PIEZO2: variants seen among roughly 807,000 people sequenced by gnomAD.
PIEZO2 encodes piezo-type mechanosensitive ion channel component 2.
In PIEZO2, 172 loss-of-function variants were observed where a neutral mutation model predicts 337.3. The observed-to-expected ratio is 0.51, with a 90% CI of 0.45 to 0.58. The LOEUF is 0.58. PIEZO2 is among the 20% of genes least tolerant of loss of function. The pLI, the probability that PIEZO2 is intolerant of heterozygous loss-of-function variation, is 0.00. For missense variants in PIEZO2, 3,028 were observed against 3,391.3 expected, an observed-to-expected ratio of 0.89 and a Z score of 2.66; for synonymous variants, 1,251 against 1,228.5, an observed-to-expected ratio of 1.02 and a Z score of -0.38.
At chr18:10,756,600 G>A (rs995384461) in intron 27 of PIEZO2, among the ~76,000 whole-genome samples, 6 of 147,394 alleles carry the variant, frequency 4.1e-5, no homozygotes, top group African/African-American at 1.3e-4. Context: ...AGATGAGGAG[G>A]AGGGATGGAG....
intron 3 of PIEZO2, among the ~76,000 whole-genome samples, chr18:10,933,965 T>C (rs1019473159): frequency 6.6e-6 from 1 of 152,254 alleles, no homozygotes; most frequent in Non-Finnish European, 1.5e-5. Flanking sequence ...TCCCCAGCCA[T>C]GTGAAACTGT....
At chr18:10,812,809 A>G (rs1286548512) in intron 7 of PIEZO2, among the ~76,000 whole-genome samples, 30 of 152,278 alleles carry the variant, frequency 2.0e-4, no homozygotes, top group Non-Finnish European at 4.4e-5. Context: ...ACATGTTGGC[A>G]GATTTATAAA....
chr18:10,818,903 A>G (rs2040441419), intron 7 of PIEZO2, among the ~76,000 whole-genome samples: 1 of 152,200 alleles, frequency 6.6e-6, no homozygotes, highest in African/African-American at 2.4e-5. Context: ...TATTGGCTTC[A>G]TTTTAATGGA....
chr18:10,731,612 T>G, intron 35 of PIEZO2, 91 bp from the exon 36 acceptor site: 1 of 788,050 alleles, frequency 1.3e-6, no homozygotes, highest in Non-Finnish European at 1.8e-6. Context: ...TGAAATATTT[T>G]TTCCTCCCAA....
At chr18:11,008,867 G>A (rs944512761) in intron 2 of PIEZO2, among the ~76,000 whole-genome samples, 2 of 152,160 alleles carry the variant, frequency 1.3e-5, no homozygotes, top group African/African-American at 4.8e-5. Flanking sequence ...TTTCCAAGAA[G>A]TGTGTGTTGT....
chr18:11,053,093 GA>G (rs1380660777), intron 2 of PIEZO2, among the ~76,000 whole-genome samples: 1 of 152,176 alleles, frequency 6.6e-6, no homozygotes, highest in African/African-American at 2.4e-5. Context: ...CTTTGTCTGT[GA>G]CATGAGGATT....
intron 33 of PIEZO2, chr18:10,738,728 C>A (rs1391547870): frequency 6.6e-6 from 1 of 152,112 alleles, no homozygotes; most frequent in African/African-American, 2.4e-5. Flanking sequence ...CTACTTTTAT[C>A]CTCAGAACTT....
At chr18:11,085,057 A>C (rs1340596868) in intron 1 of PIEZO2, among the ~76,000 whole-genome samples, 1 of 152,262 alleles carries the variant, frequency 6.6e-6, no homozygotes, top group Non-Finnish European at 1.5e-5. Context: ...ATGAATTAAC[A>C]CATGAATATA....
At chr18:10,948,995 A>AT (rs1205649907) in intron 3 of PIEZO2, among the ~76,000 whole-genome samples, 1 of 152,202 alleles carries the variant, frequency 6.6e-6, no homozygotes, top group East Asian at 1.9e-4. Context: ...CTCCTGAATA[A>AT]TAGATGAAAT....
rs868031053 is a variant in PIEZO2, at chr18:11,032,113, C to G, written c.160+34014G>C. Among the ~76,000 whole-genome samples the G allele has an allele frequency of 2.0e-5, 3 of 152,272 alleles. No homozygotes were observed. The highest frequency in any genetic ancestry group is 4.1e-4 in the South Asian group (2 of 4,820). The stretch of plus-strand genomic sequence containing the variant: ...AAAGCGTGTGCTACATGGCCCCAAT[C>G]ATGCTATTTGAATTGAGTAACAAAC... On this transcript the variant is annotated intron_variant, in intron 2 of 55. Transcript: ENST00000674853. This position sits in a 1 kb window ranked among gnomAD's most constrained non-coding sequence, Gnocchi z 4.9.
rs913928401 is a variant in PIEZO2, at chr18:10,888,701, C to A, written c.330-17286G>T. On this transcript the variant is annotated intron_variant, in intron 4 of 55. Transcript: ENST00000674853. The surrounding 1 kb of genome is among the most constrained non-coding windows in gnomAD (Gnocchi z 4.1). ...TCTTTCTAGCCTCTGCTTTGTAAAT[C>A]TTTGCTCTGATAGTGACAAACATGG... Among the ~76,000 whole-genome samples, 2 of 152,076 alleles carry A rather than the reference C, an allele frequency of 1.3e-5. No homozygotes were observed. The highest frequency in any genetic ancestry group is 2.4e-5 in the African/African-American group (1 of 41,410).
intron 39 of PIEZO2, among the ~76,000 whole-genome samples, chr18:10,711,757 G>T (rs1331308376): frequency 6.6e-6 from 1 of 152,166 alleles, no homozygotes; most frequent in Non-Finnish European, 1.5e-5. Context: ...TCAATACTAC[G>T]CATGTACGTG....
intron 1 of PIEZO2, among the ~76,000 whole-genome samples, chr18:11,093,220 G>A (rs1003360749): frequency 5.3e-5 from 8 of 152,082 alleles, no homozygotes; most frequent in African/African-American, 1.9e-4. Flanking sequence ...GGGTAAAGCG[G>A]AGCCAGCCAT....
At chr18:10,722,634 A>G (rs1879451630) in intron 36 of PIEZO2, among the ~76,000 whole-genome samples, 1 of 152,216 alleles carries the variant, frequency 6.6e-6, no homozygotes, top group South Asian at 2.1e-4. Context: ...CACATATACC[A>G]TAACTAAATC....
chr18:10,729,183 G>A lies in PIEZO2; in HGVS notation c.5029+2224C>T, dbSNP rs75313435. ...TTGTCTTCTTAAAGCAATAAAGTAA[G>A]ATAAAGTTACTAGGATGTATCGGGA... On this transcript the variant is annotated intron_variant, in intron 36 of 55. Transcript: ENST00000674853. Among the ~76,000 whole-genome samples the A allele has an allele frequency of 2.4e-3, 368 of 152,252 alleles. 6 individuals are homozygous for A. Among genetic ancestry groups the A allele is most frequent in the Admixed American group, 0.019 (290 of 15,292 alleles).
At chr18:10,901,114 A>T (rs543697330) in intron 4 of PIEZO2, among the ~76,000 whole-genome samples, 86 of 152,362 alleles carry the variant, frequency 5.6e-4, no homozygotes, top group African/African-American at 1.9e-3. Context: ...CTTTAATAAA[A>T]GTTCAGCAAA....
intron 39 of PIEZO2, 121 bp from the exon 40 acceptor site, chr18:10,708,560 C>CGACA (rs1460324084): frequency 6.6e-6 from 1 of 152,444 alleles, no homozygotes; most frequent in Non-Finnish European, 1.5e-5. Flanking sequence ...CCAACACCAC[C>CGACA]GACAAGGAAG....
At chr18:11,108,802 TCAGGGCTGGCAAG>T (rs1269852954) in intron 1 of PIEZO2, among the ~76,000 whole-genome samples, 6 of 151,998 alleles carry the variant, frequency 3.9e-5, no homozygotes, top group Non-Finnish European at 8.8e-5. Flanking sequence ...GTAGCAGAGC[TCAGGGCTGGCAAG>T]CTGAAGACCA....
intron 3 of PIEZO2, among the ~76,000 whole-genome samples, chr18:10,977,572 G>A (rs1293825665): frequency 6.6e-6 from 1 of 151,978 alleles, no homozygotes; most frequent in East Asian, 1.9e-4. Context: ...AGTCCCAAAA[G>A]ATGTGAACCT....
Sources: allele counts gnomAD v4.1 joint callset (sites outside exome capture counted in the v4.1 genomes callset), GRCh38; gene constraint gnomAD v4.1.1; non-coding constraint Gnocchi (gnomAD v3.1); transcripts MANE v1.5; gene names NCBI Gene and HGNC (gene_info 2026-07-23, HGNC 2026-07-21).